YWHAH: variants seen among roughly 807,000 people sequenced by gnomAD.
YWHAH encodes the protein tyrosine 3-monooxygenase/tryptophan 5-monooxygenase activation protein eta.
Under a neutral mutation model 22.9 loss-of-function variants are expected in YWHAH, and 6 were observed. The observed-to-expected ratio is 0.26, with a 90% CI of 0.14 to 0.52. The LOEUF is 0.52. Ranked by LOEUF, YWHAH falls within the 20% of genes least tolerant of loss-of-function variation. The pLI is 0.97. For missense variants in YWHAH, 173 were observed against 308.6 expected, an observed-to-expected ratio of 0.56 and a Z score of 3.29; for synonymous variants, 135 against 124.5, an observed-to-expected ratio of 1.08 and a Z score of -0.56.
chr22:31,948,582 C>G (rs894611796), intron 1 of YWHAH, among the ~76,000 whole-genome samples: 1 of 151,968 alleles, frequency 6.6e-6, no homozygotes, highest in Non-Finnish European at 1.5e-5. Flanking sequence ...TATATGGTAC[C>G]CAAGTTGGTC....
chr22:31,944,711 G>C lies in YWHAH; in HGVS notation c.-23G>C. ...AGCGAGCCAGCGGTGTGAGGCGCGA[G>C]GCGAGGCCGAGCCGCGAGCGACATG... On this transcript the variant is annotated 5_prime_UTR_variant, in exon 1 of 2. Coordinates refer to ENST00000248975, the MANE Select transcript of YWHAH (RefSeq NM_003405.4). 7.3e-7 allele frequency: 1 copy of C among 1,375,850 alleles called. No individual in the cohort carries two copies. Among genetic ancestry groups the C allele is most frequent in the South Asian group, 1.5e-5 (1 of 68,282 alleles). 85.2% of individuals were successfully genotyped at this position (1,375,850 alleles called of 1,614,324 possible). A position where few individuals can be genotyped will look rare whatever the true frequency, so the allele number is the denominator to read the frequency against.
Position 31,956,822 on chromosome 22 carries a change from C to T in YWHAH, c.*30C>T, listed in dbSNP as rs370005433. On this transcript the variant is annotated 3_prime_UTR_variant, in exon 2 of 2. Transcript: ENST00000248975. The surrounding 1 kb of genome is among the most constrained non-coding windows in gnomAD (Gnocchi z 5.1). The stretch of plus-strand genomic sequence containing the variant: ...CCTTCAGGTCCCCTGGCCCTTCCTT[C>T]ACCCACCACCCCCATCATCACCGAT... 28 of 1,534,124 alleles carry T rather than the reference C, an allele frequency of 1.8e-5. No homozygotes were observed. The African/African-American group carries it at 3.4e-4, about 19-fold the overall frequency.
At chr22:31,945,746 ATGT>A in intron 1 of YWHAH, 1 of 1,170,798 alleles carries the variant, frequency 8.5e-7, no homozygotes. Flanking sequence ...CCACCAACCT[ATGT>A]TCAGTGTACA....
chr22:31,944,884 T>C, intron 1 of YWHAH, 64 bp downstream of exon 1: 1 of 1,207,864 alleles, frequency 8.3e-7, no homozygotes, highest in Non-Finnish European at 1.0e-6. Flanking sequence ...GGGACGGGGA[T>C]GGCCGCGGGC....
rs1457187817 is a variant in YWHAH, at chr22:31,956,920, C to T, written c.*128C>T. On this transcript the variant is annotated 3_prime_UTR_variant, in exon 2 of 2. Transcript: ENST00000248975. The surrounding 1 kb of genome is among the most constrained non-coding windows in gnomAD (Gnocchi z 5.1). ...TTGGCAGCACAGCTACTCAGATCTGCACTCCTGTCTCTTGGGAAGCAGTTT... is the reference window on the plus strand; with the variant it reads ...TTGGCAGCACAGCTACTCAGATCTGTACTCCTGTCTCTTGGGAAGCAGTTT... 1.7e-6 allele frequency: 2 copies of T among 1,192,262 alleles called. No homozygotes were observed. The highest frequency in any genetic ancestry group is 2.3e-6 in the Non-Finnish European group (2 of 874,522). The allele number at this position is 1,192,262 out of a possible 1,614,324, so 73.9% of individuals were successfully genotyped here. A position where few individuals can be genotyped will look rare whatever the true frequency, so the allele number is the denominator to read the frequency against.
intron 1 of YWHAH, among the ~76,000 whole-genome samples, chr22:31,952,514 G>A (rs929148361): frequency 6.6e-6 from 1 of 152,164 alleles, no homozygotes; most frequent in Non-Finnish European, 1.5e-5. Context: ...TTTGTTAACT[G>A]AATTATAACC....
intron 1 of YWHAH, among the ~76,000 whole-genome samples, chr22:31,954,910 C>G (rs138299930): frequency 6.6e-6 from 1 of 152,182 alleles, no homozygotes; most frequent in Non-Finnish European, 1.5e-5. Flanking sequence ...AGAACTTCAG[C>G]GTATCTTTTG....
chr22:31,950,491 A>G lies in YWHAH; in HGVS notation c.88-5648A>G, dbSNP rs920442613. On this transcript the variant is annotated intron_variant, in intron 1 of 1. Coordinates refer to ENST00000248975, the MANE Select transcript of YWHAH (RefSeq NM_003405.4). Reference sequence around the variant, plus strand: ...TGAAGCCTTCAATTCGGATGCCTCTAGGGACAGTAGCATGCAGTAATGCCA... The same window carrying G: ...TGAAGCCTTCAATTCGGATGCCTCTGGGGACAGTAGCATGCAGTAATGCCA... 9.5e-6 allele frequency: 7 copies of G among 733,628 alleles called. No homozygotes were observed. The African/African-American group carries it at 1.2e-4, about 13-fold the overall frequency. 45.4% of individuals were successfully genotyped at this position (733,628 alleles called of 1,614,324 possible). A position where few individuals can be genotyped will look rare whatever the true frequency, so the allele number is the denominator to read the frequency against.
chr22:31,949,448 C>G (rs919783347), intron 1 of YWHAH, among the ~76,000 whole-genome samples: 4 of 151,734 alleles, frequency 2.6e-5, no homozygotes, highest in African/African-American at 9.7e-5. Flanking sequence ...TTGGTTAGAA[C>G]TTATTTAACT....
At chr22:31,945,658 C>T (rs925221672) in intron 1 of YWHAH, 4 of 1,278,622 alleles carry the variant, frequency 3.1e-6, no homozygotes, top group African/African-American at 3.1e-5. Context: ...CACTCTCTCT[C>T]CACGTTATTT....
intron 1 of YWHAH, among the ~76,000 whole-genome samples, chr22:31,955,833 C>G (rs911853447): frequency 6.6e-6 from 1 of 152,172 alleles, no homozygotes; most frequent in Non-Finnish European, 1.5e-5. Context: ...CATAATTATC[C>G]TTAGTCCCAT....
intron 1 of YWHAH, among the ~76,000 whole-genome samples, chr22:31,951,864 T>G (rs1290571536): frequency 6.6e-6 from 1 of 152,114 alleles, no homozygotes; most frequent in African/African-American, 2.4e-5. Context: ...GGAGGGCCTT[T>G]GTGCATGGGA....
chr22:31,952,966 G>A (rs2093845170), intron 1 of YWHAH, among the ~76,000 whole-genome samples: 1 of 152,216 alleles, frequency 6.6e-6, no homozygotes, highest in South Asian at 2.1e-4. Context: ...ATTTGTTTAA[G>A]GTCACATAGC....
chr22:31,952,137 CTTG>C lies in YWHAH; in HGVS notation c.88-3995_88-3993del, dbSNP rs1033459204. On this transcript the variant is annotated intron_variant, in intron 1 of 1. Coordinates refer to ENST00000248975, the MANE Select transcript of YWHAH (RefSeq NM_003405.4). ...TCTAGGCCTGTCTGTAAAATTCTGT[CTTG>C]TTGTTGCTTCATGTTCCTGATTTGT... 4.6e-5 allele frequency among the ~76,000 whole-genome samples: 7 copies of C among 152,176 alleles called. No individual in the cohort carries two copies. In the East Asian group the frequency reaches 5.8e-4, roughly 13 times the overall value.
intron 1 of YWHAH, chr22:31,945,682 A>G (rs1182386556): frequency 1.8e-6 from 2 of 1,099,778 alleles, no homozygotes; most frequent in Non-Finnish European, 2.4e-6. Flanking sequence ...GTTTTCTGTA[A>G]ATGAATATTT....
chr22:31,952,289 A>G (rs891970280), intron 1 of YWHAH, among the ~76,000 whole-genome samples: 3 of 152,164 alleles, frequency 2.0e-5, no homozygotes, highest in Admixed American at 2.0e-4. Context: ...ACAGTTTATG[A>G]CTGAACTTTT....
At chr22:31,945,524 C>T (rs991112781) in intron 1 of YWHAH, 1 of 1,304,170 alleles carries the variant, frequency 7.7e-7, no homozygotes, top group Non-Finnish European at 1.0e-6. Context: ...TGTGTCTTTG[C>T]ATTCCTGAGA....
chr22:31,948,368 G>A (rs1272010619), intron 1 of YWHAH, among the ~76,000 whole-genome samples: 1 of 151,410 alleles, frequency 6.6e-6, no homozygotes, highest in Non-Finnish European at 1.5e-5. Flanking sequence ...AGAGTAGGAG[G>A]ATTTTGAGGT....
intron 1 of YWHAH, among the ~76,000 whole-genome samples, chr22:31,949,420 A>T (rs912169299): frequency 6.6e-6 from 1 of 152,054 alleles, no homozygotes; most frequent in Non-Finnish European, 1.5e-5. Context: ...CTGGGATTAC[A>T]GGCGTGAGCC....
Sources: gnomAD v4.1 joint callset for allele counts (sites outside exome capture counted in the v4.1 genomes callset) on GRCh38, gnomAD v4.1.1 for gene constraint, Gnocchi (gnomAD v3.1) non-coding constraint, MANE v1.5 for transcripts, NCBI Gene and HGNC (gene_info 2026-07-23, HGNC 2026-07-21) for gene names.